The following DARS1 variants were observed in gnomAD, a reference collection of about 807,000 sequenced individuals.
The protein encoded by DARS1 is aspartyl-tRNA synthetase 1.
A neutral mutation model predicts 68.8 loss-of-function variants in DARS1; 51 were observed. The observed-to-expected ratio is 0.74, with a 90% CI of 0.59 to 0.94. The LOEUF is 0.94. Ranked by LOEUF, DARS1 falls within the 40% of genes least tolerant of loss-of-function variation. The probability of loss-of-function intolerance (pLI) is 0.00; values close to 1 mark genes in which losing one functional copy is unlikely to be tolerated. For synonymous variants in DARS1, 203 were observed against 190.4 expected, an observed-to-expected ratio of 1.07 and a Z score of -0.55; for missense variants, 607 against 597.3, an observed-to-expected ratio of 1.02 and a Z score of -0.17.
chr2:135,968,589 G>T (rs940611317), intron 3 of DARS1, among the ~76,000 whole-genome samples: 1 of 151,502 alleles, frequency 6.6e-6, no homozygotes, highest in Admixed American at 6.6e-5. Context: ...ATTCAAGGGG[G>T]TAGAGCCCTC....
intron 2 of DARS1, among the ~76,000 whole-genome samples, chr2:135,979,789 T>C (rs189726678): frequency 6.6e-5 from 10 of 152,300 alleles, no homozygotes; most frequent in Admixed American, 5.9e-4. Flanking sequence ...CATGGAACTT[T>C]TGCCTGCCTG....
rs145361612 is a variant in DARS1 at position 135,927,655 on chromosome 2, C to T, written c.565-3157G>A. On this transcript the variant is annotated intron_variant, in intron 7 of 15. Coordinates refer to ENST00000264161, the MANE Select transcript of DARS1 (RefSeq NM_001349.4). ...TACTGGGCTAGGTGTTAGATGATAA[C>T]GGCGATTACAGAGGGCATGAGGTAG... Among the ~76,000 whole-genome samples, 823 of 151,994 alleles carry T rather than the reference C, an allele frequency of 5.4e-3. 8 individuals carry two copies. The highest frequency in any genetic ancestry group is 0.019 in the African/African-American group (787 of 41,472).
At chr2:135,978,986 T>A (rs186885313) in intron 3 of DARS1, 170 of 242,712 alleles carry the variant, frequency 7.0e-4, no homozygotes, top group East Asian at 2.7e-3. Flanking sequence ...TTTTTTTTTT[T>A]AGCTACTCCT....
At chr2:135,908,046 T>C (rs1213299110) in intron 15 of DARS1, among the ~76,000 whole-genome samples, 2 of 152,330 alleles carry the variant, frequency 1.3e-5, no homozygotes, top group Non-Finnish European at 2.9e-5. Flanking sequence ...TACATTAAAG[T>C]ATTTCTTCTC....
At chr2:135,921,559 T>C (rs1681110622) in intron 9 of DARS1, among the ~76,000 whole-genome samples, 1 of 152,172 alleles carries the variant, frequency 6.6e-6, no homozygotes, top group South Asian at 2.1e-4. Context: ...CATTTGCTGA[T>C]GGTATAGGAC....
intron 10 of DARS1, among the ~76,000 whole-genome samples, chr2:135,917,104 C>T (rs907428870): frequency 4.6e-5 from 7 of 151,930 alleles, no homozygotes; most frequent in African/African-American, 1.7e-4. Flanking sequence ...AAGGCTGCAG[C>T]GAGCCAAGAT....
At chr2:135,978,002 G>C (rs1273404712) in intron 3 of DARS1, among the ~76,000 whole-genome samples, 1 of 151,718 alleles carries the variant, frequency 6.6e-6, no homozygotes, top group East Asian at 1.9e-4. Context: ...ACTTTGCCAG[G>C]CATGGTGGCG....
At chr2:135,955,877 T>C (rs940285284) in intron 4 of DARS1, among the ~76,000 whole-genome samples, 1 of 151,920 alleles carries the variant, frequency 6.6e-6, no homozygotes, top group Non-Finnish European at 1.5e-5. Flanking sequence ...CAGGCTGGTT[T>C]TGAACTTCTG....
chr2:135,972,460 T>C (rs556532220), intron 3 of DARS1, among the ~76,000 whole-genome samples: 26 of 152,308 alleles, frequency 1.7e-4, no homozygotes, highest in Admixed American at 2.0e-4. Flanking sequence ...TCTAAGACTT[T>C]GAACTATAAT....
chr2:135,959,956 A>G (rs1387181672), intron 4 of DARS1, among the ~76,000 whole-genome samples: 1 of 152,212 alleles, frequency 6.6e-6, no homozygotes, highest in Non-Finnish European at 1.5e-5. Context: ...ATTTAATAGA[A>G]TTTAGCATCT....
chr2:135,928,672 CTT>C (rs755852990), intron 7 of DARS1, among the ~76,000 whole-genome samples: 24 of 134,746 alleles, frequency 1.8e-4, no homozygotes, highest in Admixed American at 2.3e-4. Flanking sequence ...TTTCTTTTTC[CTT>C]TTTTTTTTTT....
chr2:135,936,739 G>A (rs1681479445), intron 5 of DARS1, among the ~76,000 whole-genome samples: 1 of 152,154 alleles, frequency 6.6e-6, no homozygotes, highest in South Asian at 2.1e-4. Flanking sequence ...CTTACACAAA[G>A]ACAACAAAGT....
At chr2:135,940,370 A>C (rs1263645576) in intron 5 of DARS1, among the ~76,000 whole-genome samples, 1 of 152,222 alleles carries the variant, frequency 6.6e-6, no homozygotes, top group Admixed American at 6.5e-5. Context: ...CAAATCAATA[A>C]ACGTAATCCA....
intron 15 of DARS1, 63 bp from the exon 16 acceptor site, chr2:135,907,470 C>T (rs767750753): frequency 8.5e-6 from 9 of 1,063,058 alleles, no homozygotes; most frequent in Non-Finnish European, 1.3e-5. Flanking sequence ...TTACTTAGAA[C>T]TACAAACATA....
chr2:135,957,547 A>C (rs1175761330), intron 4 of DARS1, among the ~76,000 whole-genome samples: 4 of 152,138 alleles, frequency 2.6e-5, no homozygotes, highest in Non-Finnish European at 4.4e-5. Context: ...TTTTTGGTAG[A>C]GATGGGGTTT....
Position 135,922,830 on chromosome 2 carries a change from T to C in DARS1, c.765A>G (p.Gln255=). The C allele has an allele frequency of 1.3e-6, 2 of 1,592,238 alleles. No individual in the cohort carries two copies. Among genetic ancestry groups the C allele is most frequent in the Non-Finnish European group, 1.7e-6 (2 of 1,170,928 alleles). The change falls in exon 9 of 16, where the codon CAA becomes CAG. Residue 255 remains glutamine (Q), a synonymous_variant. Transcript: ENST00000264161. ...YLAQSPQLYK[Q]MCICADFEKV... ...TCTCAAAATCAGCACAAATGCACAT[T>C]TGCTTATATAGCTGTGGGGACTGAG...
At chr2:135,943,621 C>A in intron 4 of DARS1, 141 bp from the exon 5 acceptor site, 1 of 1,318,838 alleles carries the variant, frequency 7.6e-7, no homozygotes, top group Non-Finnish European at 1.0e-6. Flanking sequence ...TCTATTTAAC[C>A]TACTTAGAAT....
At chr2:135,969,807 G>A (rs895288400) in intron 3 of DARS1, among the ~76,000 whole-genome samples, 1 of 152,160 alleles carries the variant, frequency 6.6e-6, no homozygotes, top group African/African-American at 2.4e-5. Context: ...CATTGCTCCT[G>A]AGGGAAGTTT....
Position 135,920,614 on chromosome 2 carries a change from A to C in DARS1, c.812-14T>G. ...CCGCTCTGAATACTGTGAAGTTAAT[A>C]AAAGAAATAGAGAGCAAACACTGAT... On this transcript the variant is annotated splice_polypyrimidine_tract_variant and intron_variant, in intron 9 of 15. Coordinates refer to ENST00000264161, the MANE Select transcript of DARS1 (RefSeq NM_001349.4). 8 of 1,570,704 alleles carry C rather than the reference A, an allele frequency of 5.1e-6. No homozygotes were observed. Among genetic ancestry groups the C allele is most frequent in the Non-Finnish European group, 6.9e-6 (8 of 1,163,816 alleles).
Sources: allele counts gnomAD v4.1 joint callset (sites outside exome capture counted in the v4.1 genomes callset), GRCh38; gene constraint gnomAD v4.1.1; transcripts MANE v1.5; gene names NCBI Gene and HGNC (gene_info 2026-07-23, HGNC 2026-07-21).